The following EPHB1 variants were observed in gnomAD, a reference collection of about 807,000 sequenced individuals.
The protein encoded by EPHB1 is EPH receptor B1.
Under a neutral mutation model 94.4 loss-of-function variants are expected in EPHB1, and 30 were observed. That is an observed-to-expected ratio of 0.32 (90% CI 0.24 to 0.43). The LOEUF (loss-of-function observed/expected upper bound fraction) is 0.43. Among genes scored for constraint, EPHB1 ranks in the 20% least tolerant of loss-of-function variants. The probability of loss-of-function intolerance (pLI) is 1.00; values close to 1 mark genes in which losing one functional copy is unlikely to be tolerated. For synonymous variants in EPHB1, 522 were observed against 489.1 expected, an observed-to-expected ratio of 1.07 and a Z score of -0.89; for missense variants, 1,055 against 1,308.3, an observed-to-expected ratio of 0.81 and a Z score of 2.99.
chr3:135,126,069 G>A (rs1354562583), intron 4 of EPHB1, among the ~76,000 whole-genome samples: 13 of 152,200 alleles, frequency 8.5e-5, no homozygotes, highest in East Asian at 1.9e-4. Flanking sequence ...TACTTTCCCA[G>A]TCACTCACAC....
chr3:135,087,498 G>A (rs1938400002), intron 3 of EPHB1, among the ~76,000 whole-genome samples: 2 of 152,146 alleles, frequency 1.3e-5, no homozygotes, highest in Admixed American at 6.5e-5. Flanking sequence ...AGGTTTCAAT[G>A]CATGTGGTTT....
chr3:135,259,148 G>A lies in EPHB1; in HGVS notation c.*28G>A, dbSNP rs1430889239. The A allele has an allele frequency of 1.3e-6, 2 of 1,559,358 alleles. No individual in the cohort carries two copies. Among genetic ancestry groups the A allele is most frequent in the South Asian group, 1.2e-5 (1 of 85,920 alleles). On this transcript the variant is annotated 3_prime_UTR_variant, in exon 16 of 16. Transcript: ENST00000398015. Reference sequence around the variant, plus strand: ...ACTCTTGTTTCTTGGGGAAGGAGAGGAGGGAAAAGGACCAGGGTCAAGGGG... The same window carrying A: ...ACTCTTGTTTCTTGGGGAAGGAGAGAAGGGAAAAGGACCAGGGTCAAGGGG...
chr3:134,805,564 C>G (rs1343504697), intron 1 of EPHB1, among the ~76,000 whole-genome samples: 1 of 152,140 alleles, frequency 6.6e-6, no homozygotes, highest in Non-Finnish European at 1.5e-5. Context: ...GCAGCACTTC[C>G]TTTCCCAGCT....
intron 12 of EPHB1, among the ~76,000 whole-genome samples, chr3:135,239,965 C>G (rs1054620496): frequency 4.9e-4 from 74 of 152,080 alleles, no homozygotes; most frequent in African/African-American, 1.7e-3. Flanking sequence ...GGTTACTTGC[C>G]CCCGCCGCAC....
At chr3:135,097,867 G>C (rs182585927) in intron 3 of EPHB1, among the ~76,000 whole-genome samples, 3 of 152,288 alleles carry the variant, frequency 2.0e-5, no homozygotes, top group East Asian at 3.9e-4. Context: ...TAGATGCTTC[G>C]TATTCTTGGC....
chr3:135,249,205 C>A, intron 14 of EPHB1, 131 bp from the exon 15 acceptor site: 1 of 1,085,050 alleles, frequency 9.2e-7, no homozygotes, highest in Non-Finnish European at 1.3e-6. Context: ...AAAGGTTCAG[C>A]CCAGGGCTCC....
chr3:134,882,765 C>CCTTTCTTTCTTTATTCTTT (rs10635632), intron 1 of EPHB1, among the ~76,000 whole-genome samples: 1 of 79,882 alleles, frequency 1.3e-5, no homozygotes. Context: ...TTCCTTCCTT[C>CCTTTCTTTCTTTATTCTTT]CTTTCTTTCT....
intron 2 of EPHB1, among the ~76,000 whole-genome samples, chr3:134,942,177 C>T (rs145536387): frequency 7.8e-4 from 119 of 152,356 alleles, no homozygotes; most frequent in Non-Finnish European, 1.5e-3. Context: ...GGCCGGGGCT[C>T]TGCTCATTGC....
chr3:134,973,125 G>A (rs1411926106), intron 3 of EPHB1, among the ~76,000 whole-genome samples: 1 of 152,194 alleles, frequency 6.6e-6, no homozygotes, highest in Admixed American at 6.5e-5. Context: ...TGGGTGTGGG[G>A]AATGTGTCCT....
intron 3 of EPHB1, among the ~76,000 whole-genome samples, chr3:135,030,551 G>T (rs529470272): frequency 6.6e-6 from 1 of 152,222 alleles, no homozygotes; most frequent in Non-Finnish European, 1.5e-5. Context: ...TCAGGGGTCA[G>T]GGACCCACTT....
intron 3 of EPHB1, among the ~76,000 whole-genome samples, chr3:135,000,159 G>T (rs1935128854): frequency 6.6e-6 from 1 of 152,220 alleles, no homozygotes; most frequent in Non-Finnish European, 1.5e-5. Flanking sequence ...CTGCCAGCTG[G>T]ATAAGAAAGC....
intron 1 of EPHB1, among the ~76,000 whole-genome samples, chr3:134,879,752 C>A (rs183225028): frequency 7.6e-4 from 115 of 152,152 alleles, no homozygotes; most frequent in African/African-American, 2.7e-3. Context: ...AGAGATAAGA[C>A]AGGTCTGTAG....
At chr3:134,825,308 T>C (rs1312825553) in intron 1 of EPHB1, among the ~76,000 whole-genome samples, 1 of 152,222 alleles carries the variant, frequency 6.6e-6, no homozygotes, top group Non-Finnish European at 1.5e-5. Context: ...GCGACATAAA[T>C]GTCAATCAGG....
intron 1 of EPHB1, among the ~76,000 whole-genome samples, chr3:134,857,640 C>G (rs374013889): frequency 2.0e-5 from 3 of 152,096 alleles, no homozygotes; most frequent in South Asian, 4.2e-4. Context: ...AAGACTTCGT[C>G]CACCCCAGGA....
At chr3:134,913,155 T>C (rs902600175) in intron 1 of EPHB1, among the ~76,000 whole-genome samples, 12 of 152,120 alleles carry the variant, frequency 7.9e-5, no homozygotes, top group South Asian at 2.1e-4. Flanking sequence ...CAGTGAACCA[T>C]ATGGAAATGG....
In EPHB1 at chr3:135,098,715, A is replaced by G. The variant is rs78362916; in HGVS notation, c.806-7733A>G. Among the ~76,000 whole-genome samples, 1,030 of 152,232 alleles carry G rather than the reference A, an allele frequency of 6.8e-3. 18 individuals carry two copies. The highest frequency in any genetic ancestry group is 0.023 in the African/African-American group (972 of 41,546). On this transcript the variant is annotated intron_variant, in intron 3 of 15. Transcript: ENST00000398015. The stretch of plus-strand genomic sequence containing the variant: ...TCAAATAACTCTCCCAGGAAATGAT[A>G]AGAATCCACACTTTGACCGAGCATG...
At chr3:134,981,607 C>A (rs1178487755) in intron 3 of EPHB1, among the ~76,000 whole-genome samples, 2 of 152,188 alleles carry the variant, frequency 1.3e-5, no homozygotes, top group Non-Finnish European at 2.9e-5. Context: ...CACATGACAA[C>A]CACATGCTGT....
intron 3 of EPHB1, among the ~76,000 whole-genome samples, chr3:135,076,584 C>T (rs1260303003): frequency 1.3e-5 from 2 of 152,168 alleles, no homozygotes; most frequent in Non-Finnish European, 1.5e-5. Context: ...AGCAATTCCA[C>T]TCCTCAGATT....
At chr3:134,929,618 G>C (rs36177) in intron 2 of EPHB1, among the ~76,000 whole-genome samples, 89,651 of 152,060 alleles carry the variant, frequency 0.59, 28,709 homozygotes, top group African/African-American at 0.86. Flanking sequence ...AGAGTGAGGC[G>C]AGGAGGGACT....
Sources: allele counts gnomAD v4.1 joint callset (sites outside exome capture counted in the v4.1 genomes callset), GRCh38; gene constraint gnomAD v4.1.1; transcripts MANE v1.5; gene names NCBI Gene and HGNC (gene_info 2026-07-23, HGNC 2026-07-21).